Variants in NRXN1 observed in about 807,000 individuals in gnomAD.
NRXN1 encodes the protein neurexin 1.
Under a neutral mutation model 150.9 loss-of-function variants are expected in NRXN1, and 39 were observed. That is an observed-to-expected ratio of 0.26 (90% CI 0.20 to 0.34). NRXN1 has a LOEUF of 0.34. NRXN1 is among the 10% of genes least tolerant of loss of function. The probability of loss-of-function intolerance (pLI) is 1.00; values close to 1 mark genes in which losing one functional copy is unlikely to be tolerated. For synonymous variants in NRXN1, 924 were observed against 757.0 expected, an observed-to-expected ratio of 1.22 and a Z score of -3.62; for missense variants, 1,815 against 1,949.9, an observed-to-expected ratio of 0.93 and a Z score of 1.30.
At chr2:50,508,969 G>C (rs895753063) in intron 12 of NRXN1, among the ~76,000 whole-genome samples, 3 of 152,190 alleles carry the variant, frequency 2.0e-5, no homozygotes, top group Non-Finnish European at 4.4e-5. Flanking sequence ...AAGAATTGCA[G>C]TTGCTAGATC....
intron 8 of NRXN1, among the ~76,000 whole-genome samples, chr2:50,615,120 A>C (rs537010556): frequency 6.6e-6 from 1 of 152,320 alleles, no homozygotes; most frequent in South Asian, 2.1e-4. Context: ...AAATGTTTCT[A>C]AGTGTAATTA....
intron 5 of NRXN1, among the ~76,000 whole-genome samples, chr2:50,836,840 T>TAAAAAAAAAAAAAAAAAAAAAAAA (rs369557045): frequency 1.8e-5 from 2 of 114,096 alleles, no homozygotes; most frequent in Non-Finnish European, 1.9e-5. Context: ...ATCATAATTG[T>TAAAAAAAAAAAAAAAAAAAAAAAA]AAAAAAAAAA....
chr2:50,880,097 G>T (rs1679203622), intron 5 of NRXN1, among the ~76,000 whole-genome samples: 1 of 151,936 alleles, frequency 6.6e-6, no homozygotes, highest in Non-Finnish European at 1.5e-5. Flanking sequence ...AGTCAGATAT[G>T]GGAACTGCAG....
At chr2:50,218,554 A>G (rs537002959) in intron 18 of NRXN1, among the ~76,000 whole-genome samples, 3 of 149,810 alleles carry the variant, frequency 2.0e-5, no homozygotes, top group South Asian at 4.2e-4. Context: ...ATTTAGCCAC[A>G]GTGATTATAG....
chr2:50,749,239 T>C (rs965663409), intron 5 of NRXN1, among the ~76,000 whole-genome samples: 2 of 152,142 alleles, frequency 1.3e-5, no homozygotes, highest in Admixed American at 1.3e-4. Flanking sequence ...TGTCTAAAGA[T>C]GCAGCAAGCT....
At chr2:50,174,159 A>G (rs2060206180) in intron 18 of NRXN1, among the ~76,000 whole-genome samples, 1 of 152,196 alleles carries the variant, frequency 6.6e-6, no homozygotes, top group African/African-American at 2.4e-5. Context: ...TTATACAGGT[A>G]GAATAATTTA....
intron 5 of NRXN1, among the ~76,000 whole-genome samples, chr2:50,655,019 G>A (rs2104589252): frequency 6.6e-6 from 1 of 152,050 alleles, no homozygotes; most frequent in Non-Finnish European, 1.5e-5. Context: ...TTTGCAACCT[G>A]GAGAAAACAT....
chr2:50,697,265 T>A (rs753053157), intron 5 of NRXN1, among the ~76,000 whole-genome samples: 5 of 152,190 alleles, frequency 3.3e-5, no homozygotes, highest in Admixed American at 6.5e-5. Flanking sequence ...AAAAGTTTTT[T>A]TAGAAAAGAC....
chr2:50,073,072 C>T (rs1288997132), intron 19 of NRXN1, among the ~76,000 whole-genome samples: 1 of 152,120 alleles, frequency 6.6e-6, no homozygotes, highest in Admixed American at 6.5e-5. Flanking sequence ...GAGCCTATAC[C>T]CTTAGGAAGA....
intron 5 of NRXN1, among the ~76,000 whole-genome samples, chr2:50,644,468 A>T (rs1289969393): frequency 6.6e-6 from 1 of 151,736 alleles, no homozygotes; most frequent in Non-Finnish European, 1.5e-5. Flanking sequence ...ATAAATACAA[A>T]AATTAACTGG....
chr2:50,329,729 G>A (rs114579001), intron 17 of NRXN1, among the ~76,000 whole-genome samples: 2,441 of 136,310 alleles, frequency 0.018, 64 homozygotes, highest in African/African-American at 0.064. Context: ...GCTACAGTGC[G>A]GTGGAGCAAC....
chr2:50,462,223 T>C (rs948315087), intron 17 of NRXN1, among the ~76,000 whole-genome samples: 1 of 151,890 alleles, frequency 6.6e-6, no homozygotes, highest in East Asian at 1.9e-4. Flanking sequence ...ATGTTATTCC[T>C]AGTAGAAGTA....
Position 50,357,582 on chromosome 2 carries a change from A to G in NRXN1, c.3364+107860T>C, listed in dbSNP as rs1334766642. Among the ~76,000 whole-genome samples, 11 of 152,290 alleles carry G rather than the reference A, an allele frequency of 7.2e-5. No individual in the cohort carries two copies. The East Asian group carries it at 2.1e-3, about 30-fold the overall frequency. ...CTCGGCCTCCCAAAGTGCTGGGATTACAGGCATGAGCTACCGCGCCCAGGC... is the reference window on the plus strand; with the variant it reads ...CTCGGCCTCCCAAAGTGCTGGGATTGCAGGCATGAGCTACCGCGCCCAGGC... On this transcript the variant is annotated intron_variant, in intron 17 of 22. Transcript: ENST00000401669.
At chr2:50,025,740 C>G (rs542146209) in intron 21 of NRXN1, among the ~76,000 whole-genome samples, 61 of 152,264 alleles carry the variant, frequency 4.0e-4, no homozygotes, top group Middle Eastern at 6.8e-3. Flanking sequence ...AATCATCTTG[C>G]AAACTCAGAT....
chr2:50,219,927 TTATATATATTATATATTATATATATAA>T (rs1559114937), intron 18 of NRXN1, among the ~76,000 whole-genome samples: 3 of 72,476 alleles, frequency 4.1e-5, no homozygotes, highest in Non-Finnish European at 7.1e-5. Context: ...TCTCTCTATA[TTATATATATTATATATTATATATATAA>T]TATATATATT....
At chr2:50,946,649 C>T (rs1690441285) in intron 2 of NRXN1, among the ~76,000 whole-genome samples, 1 of 152,042 alleles carries the variant, frequency 6.6e-6, no homozygotes, top group Admixed American at 6.6e-5. Context: ...TACTTATAAA[C>T]AATTTTATGG....
intron 5 of NRXN1, among the ~76,000 whole-genome samples, chr2:50,885,251 G>A (rs565071401): frequency 6.6e-6 from 1 of 151,254 alleles, no homozygotes; most frequent in Admixed American, 6.6e-5. Context: ...TAGATATTAT[G>A]AACTATATCC....
At chr2:50,038,062 A>G (rs1483692005) in intron 21 of NRXN1, among the ~76,000 whole-genome samples, 3 of 152,226 alleles carry the variant, frequency 2.0e-5, no homozygotes, top group Non-Finnish European at 4.4e-5. Flanking sequence ...AAGCAGAAAA[A>G]GGAACAGCTT....
intron 5 of NRXN1, among the ~76,000 whole-genome samples, chr2:50,748,983 G>A (rs1011412145): frequency 1.3e-5 from 2 of 152,064 alleles, no homozygotes; most frequent in Non-Finnish European, 2.9e-5. Flanking sequence ...AGATAAACAT[G>A]CATGCTCACA....
Sources: gnomAD v4.1 joint callset for allele counts (sites outside exome capture counted in the v4.1 genomes callset) on GRCh38, gnomAD v4.1.1 for gene constraint, MANE v1.5 for transcripts, NCBI Gene and HGNC (gene_info 2026-07-23, HGNC 2026-07-21) for gene names.